Variants in DPYD observed in about 807,000 individuals in gnomAD.
DPYD encodes the protein dihydropyrimidine dehydrogenase [NADP(+)].
Under a neutral mutation model 116.2 loss-of-function variants are expected in DPYD, and 109 were observed. That is an observed-to-expected ratio of 0.94 (90% confidence interval 0.80 to 1.10). The LOEUF (loss-of-function observed/expected upper bound fraction) is 1.10, where lower values mean the gene tolerates loss of function less well. Ranked by LOEUF, DPYD falls within the 50% of genes least tolerant of loss-of-function variation. DPYD has a pLI of 0.00. For missense variants in DPYD, 1,302 were observed against 1,254.5 expected (o/e 1.04, Z -0.57); for synonymous variants, 440 against 432.0 (o/e 1.02, Z -0.23).
chr1:97,667,879 A>C (rs1017042166), intron 8 of DPYD, among the ~76,000 whole-genome samples: 12 of 152,144 alleles, frequency 7.9e-5, no homozygotes, highest in Non-Finnish European at 1.5e-5. Context: ...TTCAGTCTTA[A>C]AAAAGAATAA....
chr1:97,529,800 T>TTCTC (rs1557776083), intron 12 of DPYD, among the ~76,000 whole-genome samples: 1 of 151,346 alleles, frequency 6.6e-6, no homozygotes, highest in African/African-American at 2.4e-5. Flanking sequence ...TTTTTTCCCT[T>TTCTC]TTTCTTTCTT....
At chr1:97,236,506 G>T (rs189861686) in intron 18 of DPYD, among the ~76,000 whole-genome samples, 1 of 152,298 alleles carries the variant, frequency 6.6e-6, no homozygotes, top group Non-Finnish European at 1.5e-5. Flanking sequence ...TGACATTCTG[G>T]AAAAGGAAAA....
intron 10 of DPYD, among the ~76,000 whole-genome samples, chr1:97,577,072 ACT>A (rs1653312294): frequency 1.3e-5 from 2 of 152,228 alleles, no homozygotes; most frequent in South Asian, 4.1e-4. Flanking sequence ...ATAGGGAAAT[ACT>A]AGGACAATGA....
chr1:97,542,466 T>C (rs1013499308), intron 12 of DPYD, among the ~76,000 whole-genome samples: 2 of 152,168 alleles, frequency 1.3e-5, no homozygotes, highest in Non-Finnish European at 2.9e-5. Context: ...TCTTATCCAG[T>C]AGCCTTCTTT....
intron 19 of DPYD, among the ~76,000 whole-genome samples, chr1:97,199,635 C>CA (rs967927178): frequency 0.013 from 1,781 of 136,194 alleles, 21 homozygotes; most frequent in African/African-American, 0.041. Context: ...TAATGATCTC[C>CA]AAAAAAAAAA....
At chr1:97,286,019 T>A (rs1665654953) in intron 18 of DPYD, among the ~76,000 whole-genome samples, 1 of 152,358 alleles carries the variant, frequency 6.6e-6, no homozygotes, top group South Asian at 2.1e-4. Context: ...CTAGTCTCGA[T>A]AATCTTTACA....
chr1:97,851,529 T>C (rs1670567806), intron 2 of DPYD, among the ~76,000 whole-genome samples: 1 of 152,068 alleles, frequency 6.6e-6, no homozygotes, highest in East Asian at 1.9e-4. Flanking sequence ...ATAATTTAAA[T>C]ATGCAGGTGC....
At chr1:97,796,603 G>A (rs865913260) in intron 3 of DPYD, among the ~76,000 whole-genome samples, 1 of 152,088 alleles carries the variant, frequency 6.6e-6, no homozygotes, top group African/African-American at 2.4e-5. Flanking sequence ...AAGAGACTCA[G>A]GGAGAGAGTC....
intron 20 of DPYD, among the ~76,000 whole-genome samples, chr1:97,128,561 G>A (rs1407162796): frequency 6.6e-6 from 1 of 152,068 alleles, no homozygotes; most frequent in Non-Finnish European, 1.5e-5. Flanking sequence ...CTTTTCCAAT[G>A]GCATATGGTG....
intron 8 of DPYD, among the ~76,000 whole-genome samples, chr1:97,656,906 A>G (rs1379831148): frequency 6.6e-6 from 1 of 151,700 alleles, no homozygotes; most frequent in Non-Finnish European, 1.5e-5. Context: ...ATATTCCAAG[A>G]ATGAACTTGG....
intron 1 of DPYD, among the ~76,000 whole-genome samples, chr1:97,886,914 GA>G (rs1672521649): frequency 1.3e-5 from 2 of 151,834 alleles, no homozygotes; most frequent in Non-Finnish European, 2.9e-5. Context: ...AACTACCACT[GA>G]AAAAAGGCCC....
At chr1:97,250,044 G>A (rs183923605) in intron 18 of DPYD, among the ~76,000 whole-genome samples, 1 of 152,244 alleles carries the variant, frequency 6.6e-6, no homozygotes, top group African/African-American at 2.4e-5. Flanking sequence ...GGCCAAGGCG[G>A]GCGGATCACG....
intron 19 of DPYD, among the ~76,000 whole-genome samples, chr1:97,230,234 A>G (rs1661492629): frequency 6.6e-6 from 1 of 152,226 alleles, no homozygotes; most frequent in Non-Finnish European, 1.5e-5. Flanking sequence ...GAATCAACCT[A>G]AATTCCCATC....
rs575540371 is a variant in DPYD at position 97,871,495 on chromosome 1, T to C, written c.150+11769A>G. On this transcript the variant is annotated intron_variant, in intron 2 of 22. Coordinates refer to ENST00000370192, the MANE Select transcript of DPYD (RefSeq NM_000110.4). ...CAAGAGAGCTTCGGCCAGAGTGGAA[T>C]TCCCCACGACAATACAAACCTCTAT... 2.6e-5 allele frequency among the ~76,000 whole-genome samples: 4 copies of C among 151,650 alleles called. No individual in the cohort carries two copies. In the South Asian group the frequency reaches 8.3e-4, roughly 32 times the overall value.
At position 97,108,345 on chromosome 1, in the gene DPYD, T is replaced by TGA. The variant is rs200490953; in HGVS notation, c.2623-9715_2623-9714dup. Among the ~76,000 whole-genome samples the TGA allele has an allele frequency of 5.4e-3, 822 of 152,264 alleles. 8 individuals carry two copies. The highest frequency in any genetic ancestry group is 7.7e-3 in the Non-Finnish European group (526 of 68,000). On this transcript the variant is annotated intron_variant, in intron 20 of 22. Coordinates refer to ENST00000370192, the MANE Select transcript of DPYD (RefSeq NM_000110.4). ...TGAGGGGGTTTGACTACATGATCTA[T>TGA]GAGGTCCCTCCCAGTGATATGATCT...
chr1:97,687,206 G>A (rs963915255), intron 7 of DPYD, among the ~76,000 whole-genome samples: 1 of 152,138 alleles, frequency 6.6e-6, no homozygotes, highest in African/African-American at 2.4e-5. Context: ...AGGAGGTAGA[G>A]GTTGAAGTGA....
intron 2 of DPYD, among the ~76,000 whole-genome samples, chr1:97,880,076 A>C (rs1672127061): frequency 1.3e-5 from 2 of 151,784 alleles, no homozygotes; most frequent in Non-Finnish European, 2.9e-5. Flanking sequence ...ATAGATAGAG[A>C]GACAGTAATG....
intron 4 of DPYD, among the ~76,000 whole-genome samples, chr1:97,729,357 C>T (rs1387260549): frequency 6.6e-6 from 1 of 152,030 alleles, no homozygotes; most frequent in African/African-American, 2.4e-5. Flanking sequence ...ATTCCTTCTT[C>T]GTCAGGCATA....
intron 4 of DPYD, among the ~76,000 whole-genome samples, chr1:97,731,386 T>C (rs1209136815): frequency 1.3e-5 from 2 of 152,062 alleles, no homozygotes; most frequent in Non-Finnish European, 2.9e-5. Context: ...TAATTTACTT[T>C]AAAAATTTTA....
Sources: gnomAD v4.1 joint callset for allele counts (sites outside exome capture counted in the v4.1 genomes callset) on GRCh38, gnomAD v4.1.1 for gene constraint, MANE v1.5 for transcripts, NCBI Gene and HGNC (gene_info 2026-07-23, HGNC 2026-07-21) for gene names.